DCAF6: variants seen among roughly 807,000 people sequenced by gnomAD.
DCAF6 encodes the protein DDB1 and CUL4 associated factor 6, also known as DDB1- and CUL4-associated factor 6.
DCAF6 carries 54 observed loss-of-function variants against 125.1 expected under a neutral mutation model. The ratio of observed to expected loss-of-function variants is 0.43; its 90% CI spans 0.35 to 0.54. The LOEUF (loss-of-function observed/expected upper bound fraction) is 0.54. Ranked by LOEUF, DCAF6 falls within the 20% of genes least tolerant of loss-of-function variation. The pLI, the probability that DCAF6 is intolerant of heterozygous loss-of-function variation, is 0.01. For missense variants in DCAF6, 934 were observed against 1,161.7 expected (o/e 0.80, Z 2.85); for synonymous variants, 371 against 390.4 (o/e 0.95, Z 0.58).
intron 16 of DCAF6, among the ~76,000 whole-genome samples, chr1:168,048,564 T>A (rs570534285): frequency 6.6e-6 from 1 of 152,350 alleles, no homozygotes; most frequent in East Asian, 1.9e-4. Flanking sequence ...TTTTCACTTT[T>A]GGGCTGAGAT....
intron 7 of DCAF6, among the ~76,000 whole-genome samples, chr1:167,994,995 A>AT (rs145885100): frequency 0.03 from 4,561 of 152,216 alleles, 238 homozygotes; most frequent in African/African-American, 0.1. Flanking sequence ...ATACTTTGAG[A>AT]TTTTTATCCT....
chr1:167,885,986 T>A, the DCAF6 span, among the ~76,000 whole-genome samples: 1 of 152,088 alleles, frequency 6.6e-6, no homozygotes, highest in Admixed American at 6.6e-5. Flanking sequence ...CAGCTTCTTA[T>A]ATAGGGATGT....
intron 2 of DCAF6, among the ~76,000 whole-genome samples, chr1:167,957,505 A>G (rs1275474112): frequency 6.6e-6 from 1 of 152,152 alleles, no homozygotes; most frequent in African/African-American, 2.4e-5. Context: ...CATTGTACAG[A>G]TATACCACAT....
intron 10 of DCAF6, among the ~76,000 whole-genome samples, chr1:168,009,703 C>T (rs1171126705): frequency 1.3e-5 from 2 of 152,028 alleles, no homozygotes; most frequent in Non-Finnish European, 2.9e-5. Context: ...TTCCTTGAGT[C>T]TCAGCTCAAA....
intron 17 of DCAF6, among the ~76,000 whole-genome samples, chr1:168,061,271 G>A (rs1050331057): frequency 2.0e-5 from 3 of 152,046 alleles, no homozygotes; most frequent in Admixed American, 2.0e-4. Context: ...ATAGAAAAAA[G>A]TTTTGAAAAC....
At chr1:167,904,623 A>C in the DCAF6 span, 1 of 523,470 alleles carries the variant, frequency 1.9e-6, no homozygotes, top group Non-Finnish European at 3.4e-6. Flanking sequence ...AGAGGTGGCA[A>C]GTTTATTAGT....
the DCAF6 span, among the ~76,000 whole-genome samples, chr1:167,929,655 TAATAA>T: frequency 6.6e-6 from 1 of 152,248 alleles, no homozygotes; most frequent in Non-Finnish European, 1.5e-5. Flanking sequence ...AAATTACTGT[TAATAA>T]AATATTATAT....
At chr1:167,985,649 A>G (rs1339524099) in intron 4 of DCAF6, among the ~76,000 whole-genome samples, 1 of 152,208 alleles carries the variant, frequency 6.6e-6, no homozygotes, top group East Asian at 1.9e-4. Flanking sequence ...AAGTATTCGT[A>G]GGTTCTAACA....
intron 2 of DCAF6, among the ~76,000 whole-genome samples, chr1:167,963,089 G>A (rs1675868350): frequency 6.6e-6 from 1 of 151,904 alleles, no homozygotes; most frequent in Admixed American, 6.6e-5. Context: ...GTGAAACCCT[G>A]GCTCTACTAA....
upstream of DCAF6, among the ~76,000 whole-genome samples, chr1:167,935,465 A>G (rs970647756): frequency 6.6e-6 from 1 of 152,178 alleles, no homozygotes; most frequent in Non-Finnish European, 1.5e-5. Context: ...TCAAATCTGG[A>G]GATCAGGTTT....
At chr1:167,925,442 C>CATATATATATATAT in the DCAF6 span, among the ~76,000 whole-genome samples, 299 of 82,380 alleles carry the variant, frequency 3.6e-3, no homozygotes, top group South Asian at 6.1e-3. Context: ...TACATATACA[C>CATATATATATATAT]ATATATATAT....
chr1:167,957,505 A>T (rs1275474112), intron 2 of DCAF6, among the ~76,000 whole-genome samples: 1 of 152,152 alleles, frequency 6.6e-6, no homozygotes, highest in Non-Finnish European at 1.5e-5. Flanking sequence ...CATTGTACAG[A>T]TATACCACAT....
chr1:167,928,488 C>T, the DCAF6 span, among the ~76,000 whole-genome samples: 2 of 152,042 alleles, frequency 1.3e-5, no homozygotes, highest in Non-Finnish European at 2.9e-5. Flanking sequence ...ATATATAAAA[C>T]AGATACAGAG....
chr1:167,872,168 G>A, the DCAF6 span, among the ~76,000 whole-genome samples: 6 of 152,116 alleles, frequency 3.9e-5, no homozygotes, highest in Middle Eastern at 6.8e-3. Flanking sequence ...GAGAAACCCC[G>A]TCTCTATTAA....
At chr1:168,027,742 G>T (rs1459467169) in intron 12 of DCAF6, among the ~76,000 whole-genome samples, 1 of 152,002 alleles carries the variant, frequency 6.6e-6, no homozygotes. Context: ...GGTTACTGAA[G>T]AAATTTTTTT....
intron 7 of DCAF6, among the ~76,000 whole-genome samples, chr1:167,998,431 A>G (rs1316838502): frequency 6.6e-6 from 1 of 152,138 alleles, no homozygotes; most frequent in Non-Finnish European, 1.5e-5. Flanking sequence ...TTGAAATAAG[A>G]CATCAGTGAA....
rs114366852 is a variant in DCAF6, at chr1:168,061,355, A to G, written c.2301-2266A>G. 5.0e-3 allele frequency among the ~76,000 whole-genome samples: 762 copies of G among 152,326 alleles called. 5 individuals are homozygous for G. The highest frequency in any genetic ancestry group is 0.017 in the African/African-American group (715 of 41,584). On this transcript the variant is annotated intron_variant, in intron 17 of 21. Coordinates refer to ENST00000367840, the MANE Select transcript of DCAF6 (RefSeq NM_001198956.2). ...AAAAAGTAAACATCTTTTTATTATG[A>G]AAGTAGAAGTATATAATTGTTACAT...
the DCAF6 span, among the ~76,000 whole-genome samples, chr1:167,910,036 A>T: frequency 6.6e-6 from 1 of 152,184 alleles, no homozygotes; most frequent in South Asian, 2.1e-4. Flanking sequence ...AACCCCTCAC[A>T]GCTCTAAGCC....
upstream of DCAF6, among the ~76,000 whole-genome samples, chr1:167,934,553 A>C (rs75872059): frequency 0.03 from 4,511 of 152,280 alleles, 197 homozygotes; most frequent in African/African-American, 0.1. Context: ...GCAGTAAATA[A>C]TATTAAGGGT....
Sources: allele counts gnomAD v4.1 joint callset (sites outside exome capture counted in the v4.1 genomes callset), GRCh38; gene constraint gnomAD v4.1.1; transcripts MANE v1.5; gene names NCBI Gene and HGNC (gene_info 2026-07-23, HGNC 2026-07-21).